Variants in ITSN1 observed in about 807,000 individuals in gnomAD.
ITSN1 encodes intersectin-1.
A neutral mutation model predicts 239.8 loss-of-function variants in ITSN1; 58 were observed. The ratio of observed to expected loss-of-function variants is 0.24; its 90% CI spans 0.20 to 0.30. The LOEUF is 0.30. Among genes scored for constraint, ITSN1 ranks in the 10% least tolerant of loss-of-function variants. The pLI is 1.00. For synonymous variants in ITSN1, 780 were observed against 770.8 expected, an observed-to-expected ratio of 1.01 and a Z score of -0.20; for missense variants, 1,558 against 2,103.3, an observed-to-expected ratio of 0.74 and a Z score of 5.07.
At chr21:33,758,869 C>G (rs939963968) in intron 8 of ITSN1, among the ~76,000 whole-genome samples, 1 of 152,270 alleles carries the variant, frequency 6.6e-6, no homozygotes, top group Non-Finnish European at 1.5e-5. Flanking sequence ...ACTCCAAAAC[C>G]GATATCCCTT....
At chr21:33,872,605 C>T (rs1373463227) in intron 33 of ITSN1, among the ~76,000 whole-genome samples, 1 of 152,176 alleles carries the variant, frequency 6.6e-6, no homozygotes, top group Non-Finnish European at 1.5e-5. Context: ...GATCTCAGCT[C>T]ACTGCAATGT....
intron 16 of ITSN1, among the ~76,000 whole-genome samples, chr21:33,784,508 A>G (rs572316614): frequency 6.6e-6 from 1 of 152,200 alleles, no homozygotes; most frequent in Non-Finnish European, 1.5e-5. Flanking sequence ...GTCTCAAAAA[A>G]CAAACAAACA....
At position 33,778,221 on chromosome 21, in the gene ITSN1, A is replaced by G. The variant is rs142578866; in HGVS notation, c.1596+3113A>G. ...GATCTTTTTAAATCTGTTGAATTCA[A>G]TTCAACAGAGATATTGGTTTTTAGT... On this transcript the variant is annotated intron_variant, in intron 14 of 39. Transcript: ENST00000381318. 3.3e-3 allele frequency among the ~76,000 whole-genome samples: 498 copies of G among 152,286 alleles called. 4 individuals carry two copies. In the Middle Eastern group the frequency reaches 0.078, roughly 24 times the overall value.
intron 31 of ITSN1, among the ~76,000 whole-genome samples, chr21:33,860,404 G>A (rs923556271): frequency 6.6e-6 from 1 of 152,140 alleles, no homozygotes; most frequent in African/African-American, 2.4e-5. Context: ...GGGGAGGCGG[G>A]AGATGTTTCT....
chr21:33,657,283 A>G (rs577133980), intron 1 of ITSN1, among the ~76,000 whole-genome samples: 11 of 152,318 alleles, frequency 7.2e-5, no homozygotes, highest in African/African-American at 2.4e-4. Flanking sequence ...GGTTTTCTGC[A>G]GAAGCTTTCT....
At chr21:33,695,577 A>G (rs2091757011) in intron 1 of ITSN1, among the ~76,000 whole-genome samples, 1 of 152,232 alleles carries the variant, frequency 6.6e-6, no homozygotes, top group South Asian at 2.1e-4. Context: ...GAATGTGCAA[A>G]CATACATAAA....
At chr21:33,742,415 C>T (rs2066917135) in intron 5 of ITSN1, among the ~76,000 whole-genome samples, 1 of 152,090 alleles carries the variant, frequency 6.6e-6, no homozygotes. Flanking sequence ...ACAAACAAAA[C>T]AGAATTGTGT....
chr21:33,662,347 C>T (rs1007429), intron 1 of ITSN1, among the ~76,000 whole-genome samples: 7,867 of 152,180 alleles, frequency 0.052, 368 homozygotes, highest in East Asian at 0.15. Flanking sequence ...TTTAAAGTTC[C>T]GAATTTACAA....
chr21:33,737,008 G>A (rs887425448), intron 5 of ITSN1, among the ~76,000 whole-genome samples: 2 of 152,040 alleles, frequency 1.3e-5, no homozygotes, highest in East Asian at 1.9e-4. Context: ...AAAAAACAAC[G>A]GTATTTGGTT....
At chr21:33,699,308 A>T (rs922021466) in intron 1 of ITSN1, among the ~76,000 whole-genome samples, 11 of 152,230 alleles carry the variant, frequency 7.2e-5, no homozygotes, top group Non-Finnish European at 1.3e-4. Flanking sequence ...CAAATTTTTA[A>T]AAATATTTAT....
At chr21:33,874,255 G>A (rs73900388) in intron 33 of ITSN1, among the ~76,000 whole-genome samples, 8,151 of 151,112 alleles carry the variant, frequency 0.054, 318 homozygotes, top group African/African-American at 0.12. Flanking sequence ...GTCCAGCTCC[G>A]GAGCTGGCAT....
chr21:33,837,165 C>G, intron 29 of ITSN1: 1 of 1,363,096 alleles, frequency 7.3e-7, no homozygotes, highest in East Asian at 2.6e-5. Context: ...CTCATTTTAC[C>G]TTAGTTGCAT....
At position 33,663,679 on chromosome 21, in the gene ITSN1, C is replaced by T. The variant is rs149273777; in HGVS notation, c.-33+20966C>T. Among the ~76,000 whole-genome samples, 288 of 152,178 alleles carry T rather than the reference C, an allele frequency of 1.9e-3. 4 individuals carry two copies. The East Asian group carries it at 0.03, about 16-fold the overall frequency. On this transcript the variant is annotated intron_variant, in intron 1 of 39. Coordinates refer to ENST00000381318, the MANE Select transcript of ITSN1 (RefSeq NM_003024.3). Reference sequence around the variant, plus strand: ...GTGCAATGGCACGATCTCGGCTTACCGCAACCTCCACCTCCCAGGTTCAAG... The same window carrying T: ...GTGCAATGGCACGATCTCGGCTTACTGCAACCTCCACCTCCCAGGTTCAAG...
chr21:33,667,810 A>C (rs1224857701), intron 1 of ITSN1, among the ~76,000 whole-genome samples: 3 of 152,152 alleles, frequency 2.0e-5, no homozygotes, highest in African/African-American at 7.2e-5. Context: ...ATTGTATAAT[A>C]ATAGCTCCCT....
chr21:33,719,297 C>T lies in ITSN1; in HGVS notation c.28+441C>T, dbSNP rs190108712. 3.6e-4 allele frequency among the ~76,000 whole-genome samples: 55 copies of T among 152,208 alleles called. 1 individual carries two copies. In the East Asian group the frequency reaches 7.2e-3, roughly 20 times the overall value. ...CTCTATGAAAAATACAAAAATTAGC[C>T]GGGCGTGGTGGCAGGCACCTGTAGT... On this transcript the variant is annotated intron_variant, in intron 2 of 39. Coordinates refer to ENST00000381318, the MANE Select transcript of ITSN1 (RefSeq NM_003024.3).
rs1467986114 is a variant in ITSN1, at chr21:33,797,268, C to T, written c.1953-111C>T. 2.4e-6 allele frequency: 2 copies of T among 818,418 alleles called. No homozygotes were observed. The highest frequency in any genetic ancestry group is 2.0e-6 in the Non-Finnish European group (1 of 491,326). 50.7% of individuals were successfully genotyped at this position (818,418 alleles called of 1,614,324 possible). A position where few individuals can be genotyped will look rare whatever the true frequency, so the allele number is the denominator to read the frequency against. ...TTGCCCCATCTGAACAACAATGTTCCCTTGATGTTCCCATCCCATTTACTG... is the reference window on the plus strand; with the variant it reads ...TTGCCCCATCTGAACAACAATGTTCTCTTGATGTTCCCATCCCATTTACTG... On this transcript the variant is annotated intron_variant, in intron 17 of 39. Coordinates refer to ENST00000381318, the MANE Select transcript of ITSN1 (RefSeq NM_003024.3). The surrounding 1 kb of genome is among the most constrained non-coding windows in gnomAD (Gnocchi z 4.9).
At chr21:33,776,698 G>A (rs2069656656) in intron 14 of ITSN1, among the ~76,000 whole-genome samples, 1 of 152,116 alleles carries the variant, frequency 6.6e-6, no homozygotes, top group African/African-American at 2.4e-5. Context: ...TTATTGGCGA[G>A]TATTTTTTAC....
intron 19 of ITSN1, among the ~76,000 whole-genome samples, chr21:33,801,206 G>C (rs2071978488): frequency 6.6e-6 from 1 of 152,142 alleles, no homozygotes; most frequent in Non-Finnish European, 1.5e-5. Context: ...GTTAACAATT[G>C]AAACAAACAT....
chr21:33,820,712 G>T (rs1257345969), intron 24 of ITSN1, among the ~76,000 whole-genome samples: 1 of 152,132 alleles, frequency 6.6e-6, no homozygotes, highest in Non-Finnish European at 1.5e-5. Context: ...CTATTACCAT[G>T]AAAATGATTA....
Sources: allele counts gnomAD v4.1 joint callset (sites outside exome capture counted in the v4.1 genomes callset), GRCh38; gene constraint gnomAD v4.1.1; non-coding constraint Gnocchi (gnomAD v3.1); transcripts MANE v1.5; gene names NCBI Gene and HGNC (gene_info 2026-07-23, HGNC 2026-07-21).